MAD1L1: variants seen among roughly 807,000 people sequenced by gnomAD.
The protein encoded by MAD1L1 is mitotic spindle assembly checkpoint protein MAD1.
In MAD1L1, 95 loss-of-function variants were observed where a neutral mutation model predicts 96.9. The ratio of observed to expected loss-of-function variants is 0.98; its 90% CI spans 0.83 to 1.16. MAD1L1 has a LOEUF of 1.16. MAD1L1 is among the 50% of genes most tolerant of loss of function. The pLI, the probability that MAD1L1 is intolerant of heterozygous loss-of-function variation, is 0.00. For synonymous variants in MAD1L1, 473 were observed against 396.6 expected, an observed-to-expected ratio of 1.19 and a Z score of -2.29; for missense variants, 1,007 against 954.4, an observed-to-expected ratio of 1.06 and a Z score of -0.73.
rs894412744 is a variant in MAD1L1 at position 2,088,265 on chromosome 7, G to T, written c.1074-18927C>A. On this transcript the variant is annotated intron_variant, in intron 11 of 18. Coordinates refer to ENST00000265854, the MANE Select transcript of MAD1L1 (RefSeq NM_001013836.2). This position sits in a 1 kb window ranked among gnomAD's most constrained non-coding sequence, Gnocchi z 4.4. ...CTGCCTGAAACCTGCCGACGGGCCT[G>T]TTGCCGCTGGAACACAATCCAGGCC... Among the ~76,000 whole-genome samples, 2 of 152,214 alleles carry T rather than the reference G, an allele frequency of 1.3e-5. No individual in the cohort carries two copies. The highest frequency in any genetic ancestry group is 4.8e-5 in the African/African-American group (2 of 41,450).
At chr7:1,910,615 C>T (rs1787953529) in intron 17 of MAD1L1, among the ~76,000 whole-genome samples, 1 of 152,218 alleles carries the variant, frequency 6.6e-6, no homozygotes, top group Admixed American at 6.5e-5. Context: ...CTTCTGGGCA[C>T]CCCACATTTG....
At chr7:1,830,311 C>T (rs1324462742) in intron 18 of MAD1L1, among the ~76,000 whole-genome samples, 4 of 152,288 alleles carry the variant, frequency 2.6e-5, no homozygotes, top group East Asian at 3.9e-4. Context: ...GCAGGAGAAT[C>T]GCTTTAACCT....
intron 15 of MAD1L1, among the ~76,000 whole-genome samples, chr7:1,979,102 G>C (rs1780777184): frequency 6.6e-6 from 1 of 152,346 alleles, no homozygotes; most frequent in Non-Finnish European, 1.5e-5. Flanking sequence ...CTGAGAAAGA[G>C]GGGCCATCCA....
At chr7:1,947,999 C>T (rs1225896546) in intron 16 of MAD1L1, among the ~76,000 whole-genome samples, 2 of 152,330 alleles carry the variant, frequency 1.3e-5, no homozygotes, top group South Asian at 2.1e-4. Flanking sequence ...TGCTGCTGTC[C>T]GTGACCAGTG....
At chr7:2,024,783 A>C (rs1782929959) in intron 12 of MAD1L1, among the ~76,000 whole-genome samples, 1 of 152,224 alleles carries the variant, frequency 6.6e-6, no homozygotes, top group Non-Finnish European at 1.5e-5. Flanking sequence ...AACAGGCTGT[A>C]TCTATGAAAG....
Position 2,167,742 on chromosome 7 carries a change from C to A in MAD1L1, c.987-18504G>T, listed in dbSNP as rs569602436. On this transcript the variant is annotated intron_variant, in intron 10 of 18. Coordinates refer to ENST00000265854, the MANE Select transcript of MAD1L1 (RefSeq NM_001013836.2). ...CTCTTAAAAAAATTAAAAAAAAAAA[C>A]ACAATATTTTAGACCAGGCATGATG... Among the ~76,000 whole-genome samples, 38 of 149,642 alleles carry A rather than the reference C, an allele frequency of 2.5e-4. No individual in the cohort carries two copies. The South Asian group carries it at 6.8e-3, about 27-fold the overall frequency.
At chr7:1,911,624 G>A (rs34290436) in intron 17 of MAD1L1, among the ~76,000 whole-genome samples, 1 of 152,078 alleles carries the variant, frequency 6.6e-6, no homozygotes, top group Non-Finnish European at 1.5e-5. Flanking sequence ...GCCAGACTCC[G>A]GCGTCACCTC....
intron 11 of MAD1L1, among the ~76,000 whole-genome samples, chr7:2,071,591 C>G (rs1341243842): frequency 6.6e-6 from 1 of 152,212 alleles, no homozygotes; most frequent in Non-Finnish European, 1.5e-5. Flanking sequence ...AAGATCGAGG[C>G]CGGACTAGAG....
intron 10 of MAD1L1, among the ~76,000 whole-genome samples, chr7:2,176,668 C>T (rs1246380304): frequency 2.0e-5 from 3 of 151,894 alleles, no homozygotes; most frequent in South Asian, 2.1e-4. Context: ...TCTCTATACA[C>T]GAGAATCCAG....
chr7:1,896,376 G>A lies in MAD1L1; in HGVS notation c.1998+1824C>T, dbSNP rs547191029. Among the ~76,000 whole-genome samples the A allele has an allele frequency of 2.1e-4, 32 of 152,324 alleles. No homozygotes were observed. The South Asian group carries it at 4.8e-3, about 23-fold the overall frequency. ...CTGGCTCGAGCAGGAAGAGCGGCAG[G>A]GCCCATGCTCGAGGGTATGACGGGG... On this transcript the variant is annotated intron_variant, in intron 18 of 18. Transcript: ENST00000265854.
chr7:2,100,005 G>A (rs3778967), intron 11 of MAD1L1, among the ~76,000 whole-genome samples: 2 of 152,226 alleles, frequency 1.3e-5, no homozygotes, highest in East Asian at 3.9e-4. Flanking sequence ...CTTACAGGTA[G>A]AGGTCATTCC....
chr7:1,972,927 G>A (rs1780470625), intron 15 of MAD1L1, among the ~76,000 whole-genome samples: 1 of 152,228 alleles, frequency 6.6e-6, no homozygotes, highest in Non-Finnish European at 1.5e-5. Context: ...ATGCAGACAT[G>A]TGTTGCTAAT....
intron 12 of MAD1L1, among the ~76,000 whole-genome samples, chr7:2,034,941 G>T (rs1259553382): frequency 2.0e-5 from 3 of 152,236 alleles, no homozygotes; most frequent in Admixed American, 6.5e-5. Flanking sequence ...GAGTCCAGTG[G>T]TCAGAGCACT....
chr7:1,905,702 C>A (rs1477467594), intron 17 of MAD1L1, among the ~76,000 whole-genome samples: 1 of 152,224 alleles, frequency 6.6e-6, no homozygotes, highest in East Asian at 1.9e-4. Context: ...CCTCTGGGAC[C>A]TCTCCCGTGA....
At chr7:1,912,697 C>A (rs533911534) in intron 17 of MAD1L1, among the ~76,000 whole-genome samples, 127 of 152,332 alleles carry the variant, frequency 8.3e-4, no homozygotes, top group Non-Finnish European at 1.0e-3. Flanking sequence ...CCTGTGCAGG[C>A]AGGGAGCCCA....
At chr7:2,167,790 C>G (rs1217788828) in intron 10 of MAD1L1, among the ~76,000 whole-genome samples, 1 of 151,830 alleles carries the variant, frequency 6.6e-6, no homozygotes, top group Non-Finnish European at 1.5e-5. Context: ...AATCCCAGCA[C>G]TTTGGGAGGC....
intron 15 of MAD1L1, among the ~76,000 whole-genome samples, chr7:1,977,018 T>G (rs1400220534): frequency 1.3e-5 from 2 of 152,208 alleles, no homozygotes; most frequent in Non-Finnish European, 2.9e-5. Context: ...TTTCTCCAAG[T>G]CCCCACCGGA....
At chr7:1,848,148 A>C in intron 18 of MAD1L1, 1 of 217,908 alleles carries the variant, frequency 4.6e-6, no homozygotes, top group Non-Finnish European at 9.3e-6. Flanking sequence ...TCCGCAGGCC[A>C]CTCTCCCTCC....
At chr7:2,096,423 G>A (rs375562586) in intron 11 of MAD1L1, among the ~76,000 whole-genome samples, 57 of 152,290 alleles carry the variant, frequency 3.7e-4, no homozygotes, top group African/African-American at 1.2e-3. Context: ...ACCTCAGTGC[G>A]GACTCGGCTT....
Sources: allele counts gnomAD v4.1 joint callset (sites outside exome capture counted in the v4.1 genomes callset), GRCh38; gene constraint gnomAD v4.1.1; non-coding constraint Gnocchi (gnomAD v3.1); transcripts MANE v1.5; gene names NCBI Gene and HGNC (gene_info 2026-07-23, HGNC 2026-07-21).